SLC6A20: variants seen among roughly 807,000 people sequenced by gnomAD.
SLC6A20 encodes sodium- and chloride-dependent transporter XTRP3.
SLC6A20 carries 73 observed loss-of-function variants against 64.3 expected under a neutral mutation model. That is an observed-to-expected ratio of 1.14 (90% CI 0.94 to 1.38). SLC6A20 has a LOEUF of 1.38. SLC6A20 is among the 40% of genes most tolerant of loss of function. SLC6A20 has a pLI of 0.00. For missense variants in SLC6A20, 725 were observed against 772.8 expected (o/e 0.94, Z 0.73); for synonymous variants, 347 against 329.6 (o/e 1.05, Z -0.57).
rs73060335 is a variant in SLC6A20 at position 45,758,441 on chromosome 3, A to G, written c.*537T>C. The G allele has an allele frequency of 0.11, 146,299 of 1,272,180 alleles. 9,245 individuals are homozygous for G. The highest frequency in any genetic ancestry group is 0.13 in the Non-Finnish European group (127,194 of 982,186). The allele number at this position is 1,272,180 out of a possible 1,614,324, so 78.8% of individuals were successfully genotyped here. On this transcript the variant is annotated 3_prime_UTR_variant, in exon 11 of 11. Coordinates refer to ENST00000358525, the MANE Select transcript of SLC6A20 (RefSeq NM_020208.4). The stretch of plus-strand genomic sequence containing the variant: ...CCAGACAAAGATCTTCTTTCTTTAT[A>G]ACTTGTCATCCTAAGATTTAAAGGG...
At chr3:45,772,988 G>GA (rs1233455868) in intron 4 of SLC6A20, among the ~76,000 whole-genome samples, 1 of 152,100 alleles carries the variant, frequency 6.6e-6, no homozygotes, top group Non-Finnish European at 1.5e-5. Context: ...AAATCAGCAT[G>GA]AAAAAAATAT....
chr3:45,763,017 C>A lies in SLC6A20; in HGVS notation c.1359G>T (p.Gly453=), dbSNP rs1454387414. 6.2e-7 allele frequency: 1 copy of A among 1,614,018 alleles called. No homozygotes were observed. The highest frequency in any genetic ancestry group is 1.7e-5 in the Admixed American group (1 of 60,002). Residue 453 remains glycine, a synonymous_variant, in exon 9 of 11, where the codon GGG becomes GGT. Transcript: ENST00000358525. ...CGTTGAATATGTCAAACCAGTAGTTCCCAGCCTCCATCGTGAACACCATGC... is the reference window on the plus strand; with the variant it reads ...CGTTGAATATGTCAAACCAGTAGTTACCAGCCTCCATCGTGAACACCATGC... ...AIGMVFTMEA[G]NYWFDIFNDY...
intron 1 of SLC6A20, among the ~76,000 whole-genome samples, chr3:45,783,523 T>C (rs887605490): frequency 8.5e-5 from 13 of 152,216 alleles, no homozygotes; most frequent in Admixed American, 7.2e-4. Flanking sequence ...GCTCTGAAAA[T>C]GAGCCCAGAA....
At chr3:45,790,387 C>G (rs1242327550) in intron 1 of SLC6A20, 1 of 152,086 alleles carries the variant, frequency 6.6e-6, no homozygotes, top group Admixed American at 6.6e-5. Flanking sequence ...AAGCTGCTGG[C>G]CTGGGGGTTC....
At chr3:45,767,102 A>C (rs1466471853) in intron 7 of SLC6A20, among the ~76,000 whole-genome samples, 1 of 152,274 alleles carries the variant, frequency 6.6e-6, no homozygotes, top group African/African-American at 2.4e-5. Context: ...GCTCAGGGGC[A>C]TACTGAAAAT....
In SLC6A20 at chr3:45,796,484, C is replaced by T. The variant is rs963155689; in HGVS notation, c.-65G>A. On this transcript the variant is annotated 5_prime_UTR_variant, in exon 1 of 11. Transcript: ENST00000358525. ...CGGCACGGCAGTCTCAGTGCGCGGT[C>T]GCCAGGCGCGCCGTCCCACCCCGGC... The T allele has an allele frequency of 1.1e-5, 17 of 1,499,810 alleles. No homozygotes were observed. Among genetic ancestry groups the T allele is most frequent in the South Asian group, 1.3e-5 (1 of 76,944 alleles). The allele number at this position is 1,499,810 out of a possible 1,614,324, so 92.9% of individuals were successfully genotyped here. A position where few individuals can be genotyped will look rare whatever the true frequency, so the allele number is the denominator to read the frequency against.
chr3:45,777,216 C>T (rs1407787229), intron 3 of SLC6A20, among the ~76,000 whole-genome samples: 1 of 152,190 alleles, frequency 6.6e-6, no homozygotes, highest in Non-Finnish European at 1.5e-5. Context: ...CGGGGTATCA[C>T]CTAATGGGTC....
rs764925559 is a variant in SLC6A20, at chr3:45,772,553, G to A, written c.645C>T (p.Leu215=). The A allele has an allele frequency of 1.2e-6, 2 of 1,614,002 alleles. No homozygotes were observed. The highest frequency in any genetic ancestry group is 1.7e-6 in the Non-Finnish European group (2 of 1,179,956). Residue 215 remains leucine (L), a synonymous_variant, in exon 5 of 11, where the codon CTC becomes CTT. Transcript: ENST00000358525. ...GGCCATTGGTGGCTCCGTGGAGCGT[G>A]AGGCCCCTGATGAGGTAGATGATGA... ...CVLIIYLIRG[L]TLHGATNGLM... is the part of the protein sequence containing the mutation.
At chr3:45,788,268 A>C (rs969708880) in intron 1 of SLC6A20, among the ~76,000 whole-genome samples, 2 of 152,074 alleles carry the variant, frequency 1.3e-5, no homozygotes, top group African/African-American at 4.8e-5. Context: ...AAAAAAAAAA[A>C]AATGATAAAA....
Position 45,755,492 on chromosome 3 carries a change from T to TA in SLC6A20, c.*3485dup, listed in dbSNP as rs894578483. 4 of 152,402 alleles carry TA rather than the reference T, an allele frequency of 2.6e-5. No homozygotes were observed. Among genetic ancestry groups the TA allele is most frequent in the Admixed American group, 6.5e-5 (1 of 15,284 alleles). 9.4% of individuals were successfully genotyped at this position (152,402 alleles called of 1,614,324 possible). ...GAGTTTTATTTACTATGACAATTGC[T>TA]AAAAAACAAATATTTCCCTACTCAA... On this transcript the variant is annotated 3_prime_UTR_variant, in exon 11 of 11. Transcript: ENST00000358525.
chr3:45,772,400 G>C lies in SLC6A20; in HGVS notation c.693+105C>G, dbSNP rs1013507045. On this transcript the variant is annotated intron_variant, in intron 5 of 10. Transcript: ENST00000358525. ...TGGTGGGCTCACATCAGCTTCCGTA[G>C]GTACAGCGTTGGCCCACTCTCCACC... 13 of 999,964 alleles carry C rather than the reference G, an allele frequency of 1.3e-5. 1 individual carries two copies. The highest frequency in any genetic ancestry group is 8.1e-5 in the East Asian group (3 of 36,818). The allele number at this position is 999,964 out of a possible 1,614,324, so 61.9% of individuals were successfully genotyped here. A position where few individuals can be genotyped will look rare whatever the true frequency, so the allele number is the denominator to read the frequency against.
At chr3:45,784,828 G>C (rs1700146166) in intron 1 of SLC6A20, among the ~76,000 whole-genome samples, 1 of 152,188 alleles carries the variant, frequency 6.6e-6, no homozygotes, top group South Asian at 2.1e-4. Context: ...CTAGTATCTG[G>C]AGAGGGCCTT....
At chr3:45,794,323 G>A in intron 1 of SLC6A20, among the ~76,000 whole-genome samples, 1 of 152,190 alleles carries the variant, frequency 6.6e-6, no homozygotes, top group East Asian at 1.9e-4. Flanking sequence ...GTCAAGTTAG[G>A]TGGTCAAGTG....
At chr3:45,762,334 G>A (rs1446959036) in intron 9 of SLC6A20, among the ~76,000 whole-genome samples, 2 of 152,208 alleles carry the variant, frequency 1.3e-5, no homozygotes, top group Non-Finnish European at 2.9e-5. Flanking sequence ...AGAACCCTGG[G>A]GGTGAGTCTC....
chr3:45,771,226 C>T lies in SLC6A20; in HGVS notation c.926G>A (p.Cys309Tyr). 1 of 1,614,162 alleles carries T rather than the reference C, an allele frequency of 6.2e-7. No individual in the cohort carries two copies. Among genetic ancestry groups the T allele is most frequent in the Non-Finnish European group, 8.5e-7 (1 of 1,180,042 alleles). ...GACAGCCCAGGCTTACTTCTTCAAG[C>T]AGTTTTCATAATTGAAGGTGGCCTT... ...GFKATFNYENCLKKVSLLLTN... is the reference protein window; with the variant it reads ...GFKATFNYENYLKKVSLLLTN... The change falls in exon 6 of 11, where the codon TGC (cysteine) becomes TAC (tyrosine). Residue 309 changes from cysteine to tyrosine, a missense_variant. Physicochemically the swap from Cys to Tyr is radical, Grantham distance 194. Transcript: ENST00000358525.
At chr3:45,759,821 G>T (rs766275796) in intron 10 of SLC6A20, 36 bp downstream of exon 10, 1 of 1,577,890 alleles carries the variant, frequency 6.3e-7, no homozygotes, top group South Asian at 1.2e-5. Context: ...AGTGGCCATG[G>T]GGGCCCAGCG....
intron 1 of SLC6A20, among the ~76,000 whole-genome samples, chr3:45,785,613 T>TCTCTCTCTCTCTCTCTCTCTCTCTCTCTC (rs1700157049): frequency 2.1e-5 from 3 of 141,012 alleles, no homozygotes; most frequent in African/African-American, 5.4e-5. Flanking sequence ...AAACTCCCCT[T>TCTCTCTCTCTCTCTCTCTCTCTCTCTCTC]TCTCTCTCTC....
At chr3:45,786,669 A>G (rs1575436863) in intron 1 of SLC6A20, among the ~76,000 whole-genome samples, 1 of 152,224 alleles carries the variant, frequency 6.6e-6, no homozygotes, top group South Asian at 2.1e-4. Context: ...TAACTATCCT[A>G]TTTCTCATAC....
chr3:45,775,766 C>T lies in SLC6A20; in HGVS notation c.577G>A (p.Gly193Ser). The T allele has an allele frequency of 5.6e-6, 9 of 1,613,416 alleles. No individual in the cohort carries two copies. Among genetic ancestry groups the T allele is most frequent in the Non-Finnish European group, 5.1e-6 (6 of 1,179,816 alleles). The change falls in exon 4 of 11, where the codon GGC (glycine) becomes AGC (serine). Residue 193 changes from glycine to serine, a missense_variant. Coordinates refer to ENST00000358525, the MANE Select transcript of SLC6A20 (RefSeq NM_020208.4). Reference sequence around the variant, plus strand: ...TCTGTGCCTCACTGTCCCACCTTGCCAGTGGACTCGGTGCCACGCAGGATG... The same window carrying T: ...TCTGTGCCTCACTGTCCCACCTTGCTAGTGGACTCGGTGCCACGCAGGATG... ...LCILRGTESTGKVVYFTASLP... is the reference protein window; with the variant it reads ...LCILRGTESTSKVVYFTASLP...
Sources: allele counts gnomAD v4.1 joint callset (sites outside exome capture counted in the v4.1 genomes callset), GRCh38; gene constraint gnomAD v4.1.1; transcripts MANE v1.5; gene names NCBI Gene and HGNC (gene_info 2026-07-23, HGNC 2026-07-21).